C6: variants seen among roughly 807,000 people sequenced by gnomAD.
C6 encodes complement component C6.
Under a neutral mutation model 112.9 loss-of-function variants are expected in C6, and 101 were observed. The observed-to-expected ratio is 0.89, with a 90% confidence interval of 0.76 to 1.06. The LOEUF is 1.06. Ranked by LOEUF, C6 falls within the 50% of genes least tolerant of loss-of-function variation. C6 has a pLI of 0.00. For missense variants in C6, 1,202 were observed against 1,104.6 expected (o/e 1.09, Z -1.25); for synonymous variants, 431 against 384.1 (o/e 1.12, Z -1.43).
chr5:41,190,842 C>T (rs979596845), intron 5 of C6, among the ~76,000 whole-genome samples: 1 of 152,016 alleles, frequency 6.6e-6, no homozygotes, highest in Non-Finnish European at 1.5e-5. Context: ...TTTCCAGCAC[C>T]ATTAATTAAA....
rs548770172 is a variant in C6 at position 41,206,783 on chromosome 5, C to A, written c.-20-3533G>T. On this transcript the variant is annotated intron_variant, in intron 1 of 17. Transcript: ENST00000337836. ...CCTGAAAGTGACAGGGCGAGTGGAA[C>A]CGAGTTGGAAAACACTCTGCAGGAT... Among the ~76,000 whole-genome samples the A allele has an allele frequency of 9.6e-4, 146 of 152,266 alleles. 2 individuals are homozygous for A. The South Asian group carries it at 0.029, about 31-fold the overall frequency.
At chr5:41,250,202 C>T (rs1279828534) in intron 1 of C6, among the ~76,000 whole-genome samples, 1 of 152,192 alleles carries the variant, frequency 6.6e-6, no homozygotes, top group African/African-American at 2.4e-5. Flanking sequence ...GAAAATTCCA[C>T]CTCCACTCTC....
intron 11 of C6, chr5:41,159,561 T>C (rs1053590254): frequency 2.0e-6 from 1 of 496,604 alleles, no homozygotes; most frequent in Admixed American, 6.4e-5. Flanking sequence ...TGTGCACTCA[T>C]ATGTGTATAA....
chr5:41,229,513 T>G (rs1580229919), intron 1 of C6, among the ~76,000 whole-genome samples: 1 of 152,284 alleles, frequency 6.6e-6, no homozygotes, highest in South Asian at 2.1e-4. Flanking sequence ...GATTTCTAGT[T>G]TCATATTATT....
At chr5:41,221,055 A>AT (rs1252406344) in intron 1 of C6, among the ~76,000 whole-genome samples, 11 of 152,138 alleles carry the variant, frequency 7.2e-5, no homozygotes, top group Non-Finnish European at 1.3e-4. Flanking sequence ...TAGAAACACA[A>AT]GACTTAAAGC....
rs766437646 is a variant in C6 at position 41,149,422 on chromosome 5, G to A, written c.2442C>T (p.Pro814=). The change falls in exon 17 of 18, where the codon CCC becomes CCT. Residue 814 remains proline, a synonymous_variant. Coordinates refer to ENST00000337836, the MANE Select transcript of C6 (RefSeq NM_000065.5). The part of the protein sequence containing the change: ...DTDSNDYFTS[P]ACKFLAEKCL... ...ATTTCTCAGCCAAAAACTTACAAGC[G>A]GGTGAAGTAAAGTAATCGTTGGAGT... The A allele has an allele frequency of 1.2e-5, 20 of 1,613,870 alleles. No individual in the cohort carries two copies. Among genetic ancestry groups the A allele is most frequent in the South Asian group, 2.2e-5 (2 of 91,072 alleles).
chr5:41,150,889 A>C (rs1168393879), intron 15 of C6, among the ~76,000 whole-genome samples: 2 of 151,888 alleles, frequency 1.3e-5, no homozygotes, highest in Non-Finnish European at 2.9e-5. Flanking sequence ...CTGTCTAAAA[A>C]AAAAAAAAAA....
chr5:41,233,292 T>A (rs959365021), intron 1 of C6, among the ~76,000 whole-genome samples: 17 of 152,118 alleles, frequency 1.1e-4, no homozygotes, highest in African/African-American at 3.9e-4. Flanking sequence ...TCTTCATGGA[T>A]CTTGTGGCAC....
Position 41,160,305 on chromosome 5 carries a change from G to A in C6, c.1521C>T (p.Leu507=). The change falls in exon 11 of 18, where the codon CTC becomes CTT. Residue 507 remains leucine, a synonymous_variant. Coordinates refer to ENST00000337836, the MANE Select transcript of C6 (RefSeq NM_000065.5). ...IPCAVTKRNN[L]RKALQEYAAK... ...CTGCATACTCTTGCAAAGCTTTCCT[G>A]AGGTTGTTCCGTTTTGTCACTGCAC... 1 of 1,613,876 alleles carries A rather than the reference G, an allele frequency of 6.2e-7. No homozygotes were observed. Among genetic ancestry groups the A allele is most frequent in the Non-Finnish European group, 8.5e-7 (1 of 1,179,868 alleles).
chr5:41,168,009 T>C (rs1187716880), intron 9 of C6, among the ~76,000 whole-genome samples: 1 of 152,146 alleles, frequency 6.6e-6, no homozygotes, highest in Non-Finnish European at 1.5e-5. Context: ...GACTGATGAT[T>C]AACAGTGGGA....
chr5:41,241,747 T>C (rs1230246029), intron 1 of C6, among the ~76,000 whole-genome samples: 1 of 152,016 alleles, frequency 6.6e-6, no homozygotes, highest in East Asian at 1.9e-4. Flanking sequence ...GGTTTCAAAG[T>C]GGATGCTACT....
chr5:41,225,564 A>G (rs1189034449), intron 1 of C6, among the ~76,000 whole-genome samples: 1 of 152,174 alleles, frequency 6.6e-6, no homozygotes, highest in Non-Finnish European at 1.5e-5. Context: ...ATGATTTATA[A>G]TCCTTTGGGT....
At chr5:41,210,319 T>C (rs999420827) in intron 1 of C6, among the ~76,000 whole-genome samples, 3 of 152,174 alleles carry the variant, frequency 2.0e-5, no homozygotes, top group Non-Finnish European at 1.5e-5. Flanking sequence ...AAGGACTTCA[T>C]GACTAAAACA....
At chr5:41,245,829 C>G (rs10472351) in intron 1 of C6, among the ~76,000 whole-genome samples, 1 of 151,944 alleles carries the variant, frequency 6.6e-6, no homozygotes, top group African/African-American at 2.4e-5. Flanking sequence ...ACTGAAAATC[C>G]TTGCTTGATG....
chr5:41,238,498 T>G (rs965817696), intron 1 of C6, among the ~76,000 whole-genome samples: 2 of 152,162 alleles, frequency 1.3e-5, no homozygotes, highest in African/African-American at 4.8e-5. Context: ...GAGGAGAATA[T>G]GGGGCAAGTC....
chr5:41,258,606 T>G (rs956368609), intron 1 of C6, among the ~76,000 whole-genome samples: 1 of 152,176 alleles, frequency 6.6e-6, no homozygotes, highest in African/African-American at 2.4e-5. Context: ...GAACAGGTCT[T>G]AGAGGGAAAG....
At chr5:41,209,816 C>T (rs1349537586) in intron 1 of C6, among the ~76,000 whole-genome samples, 1 of 152,158 alleles carries the variant, frequency 6.6e-6, no homozygotes, top group Non-Finnish European at 1.5e-5. Context: ...GATTCAATGC[C>T]ATCCCCATCA....
At chr5:41,181,214 A>G in intron 7 of C6, 145 bp downstream of exon 7, 1 of 688,786 alleles carries the variant, frequency 1.5e-6, no homozygotes, top group East Asian at 2.7e-5. Context: ...GAAGTGAGAT[A>G]TAACAAAAAA....
intron 1 of C6, among the ~76,000 whole-genome samples, chr5:41,257,788 A>C (rs1741811036): frequency 6.6e-6 from 1 of 152,042 alleles, no homozygotes; most frequent in Non-Finnish European, 1.5e-5. Flanking sequence ...CAGCCCCCTC[A>C]TGCTGAATTA....
Sources: allele counts gnomAD v4.1 joint callset (sites outside exome capture counted in the v4.1 genomes callset), GRCh38; gene constraint gnomAD v4.1.1; transcripts MANE v1.5; gene names NCBI Gene and HGNC (gene_info 2026-07-23, HGNC 2026-07-21).